CSMD1: variants seen among roughly 807,000 people sequenced by gnomAD.
CSMD1 encodes the protein CUB and sushi domain-containing protein 1.
In CSMD1, 213 loss-of-function variants were observed where a neutral mutation model predicts 417.5. The observed-to-expected ratio is 0.51, with a 90% CI of 0.46 to 0.57. The LOEUF is 0.57. Ranked by LOEUF, CSMD1 falls within the 20% of genes least tolerant of loss-of-function variation. The pLI is 0.00. For missense variants in CSMD1, 6,923 were observed against 4,529.7 expected (o/e 1.53, Z -15.17); for synonymous variants, 2,862 against 1,736.8 (o/e 1.65, Z -16.11).
At chr8:4,123,001 G>A (rs1193288143) in intron 3 of CSMD1, among the ~76,000 whole-genome samples, 1 of 152,200 alleles carries the variant, frequency 6.6e-6, no homozygotes, top group East Asian at 1.9e-4. Flanking sequence ...GTGCCACTGA[G>A]CTTCCAGCTT....
chr8:4,135,313 G>C lies in CSMD1; in HGVS notation c.416-103214C>G, dbSNP rs116508154. Among the ~76,000 whole-genome samples the C allele has an allele frequency of 2.3e-3, 308 of 133,446 alleles. 1 individual carries two copies. Among genetic ancestry groups the C allele is most frequent in the African/African-American group, 8.0e-3 (290 of 36,402 alleles). 87.5% of individuals were successfully genotyped at this position (133,446 alleles called of 152,430 possible). A position where few individuals can be genotyped will look rare whatever the true frequency, so the allele number is the denominator to read the frequency against. ...AGGAAGACAGAAGAAAGGAAGAAAG[G>C]AGGGAGGAGCGAAGGAAGGGGAAAG... is the stretch of plus-strand genomic sequence containing the variant. On this transcript the variant is annotated intron_variant, in intron 3 of 69. Coordinates refer to ENST00000635120, the MANE Select transcript of CSMD1 (RefSeq NM_033225.6).
intron 8 of CSMD1, among the ~76,000 whole-genome samples, chr8:3,588,648 A>G (rs1195334067): frequency 1.3e-5 from 2 of 152,126 alleles, no homozygotes; most frequent in Non-Finnish European, 2.9e-5. Flanking sequence ...TATCAGTAGC[A>G]AATTGTATTC....
At chr8:3,721,222 G>C (rs12541540) in intron 6 of CSMD1, among the ~76,000 whole-genome samples, 17,117 of 152,072 alleles carry the variant, frequency 0.11, 1,198 homozygotes, top group East Asian at 0.17. Context: ...AATTTTATTT[G>C]TGAAACTCCT....
At chr8:4,234,094 C>T (rs540421233) in intron 3 of CSMD1, among the ~76,000 whole-genome samples, 3 of 152,154 alleles carry the variant, frequency 2.0e-5, no homozygotes, top group Non-Finnish European at 4.4e-5. Flanking sequence ...CTAACCTACA[C>T]AAGTACATCA....
At position 4,348,912 on chromosome 8, in the gene CSMD1, A is replaced by G. The variant is rs150972649; in HGVS notation, c.415+71041T>C. On this transcript the variant is annotated intron_variant, in intron 3 of 69. Coordinates refer to ENST00000635120, the MANE Select transcript of CSMD1 (RefSeq NM_033225.6). ...TGAGTCATAAGCCTTTCTCCCTGTGATATCACAGCTATTGTTCCTTAACCA... is the reference window on the plus strand; with the variant it reads ...TGAGTCATAAGCCTTTCTCCCTGTGGTATCACAGCTATTGTTCCTTAACCA... Among the ~76,000 whole-genome samples the G allele has an allele frequency of 2.1e-3, 320 of 152,272 alleles. 2 individuals carry two copies. Among genetic ancestry groups the G allele is most frequent in the Non-Finnish European group, 3.9e-3 (264 of 68,036 alleles).
In CSMD1 at chr8:4,071,624, C is replaced by T. The variant is rs981545145; in HGVS notation, c.416-39525G>A. ...TTTGGGGGCCTTTTAGTTTTTAATT[C>T]TTTATTTTAAACTAGCTGAAATATG... is the stretch of plus-strand genomic sequence containing the variant. On this transcript the variant is annotated intron_variant, in intron 3 of 69. Coordinates refer to ENST00000635120, the MANE Select transcript of CSMD1 (RefSeq NM_033225.6). Among the ~76,000 whole-genome samples the T allele has an allele frequency of 2.6e-5, 4 of 151,950 alleles. No homozygotes were observed. The East Asian group carries it at 7.8e-4, about 30-fold the overall frequency.
intron 10 of CSMD1, among the ~76,000 whole-genome samples, chr8:3,553,260 G>A (rs1423210370): frequency 6.6e-5 from 10 of 152,248 alleles, no homozygotes; most frequent in South Asian, 6.2e-4. Context: ...GCCATAGTTC[G>A]GAGCTGCAGG....
intron 3 of CSMD1, among the ~76,000 whole-genome samples, chr8:4,074,663 T>A (rs1388315879): frequency 2.0e-5 from 3 of 152,230 alleles, no homozygotes; most frequent in African/African-American, 4.8e-5. Context: ...CCTTTTATAA[T>A]TGACAATGGT....
chr8:4,848,138 G>T (rs1020846632), intron 1 of CSMD1, among the ~76,000 whole-genome samples: 2 of 152,158 alleles, frequency 1.3e-5, no homozygotes, highest in African/African-American at 4.8e-5. Context: ...CCATGCTGCA[G>T]CATGTATTAG....
chr8:3,799,416 G>C (rs1328195310), intron 5 of CSMD1, among the ~76,000 whole-genome samples: 2 of 111,932 alleles, frequency 1.8e-5, no homozygotes, highest in African/African-American at 3.6e-5. Flanking sequence ...CCCACGACAG[G>C]CCTTAGTGTG....
intron 5 of CSMD1, among the ~76,000 whole-genome samples, chr8:3,922,890 T>G (rs1809374671): frequency 6.6e-6 from 1 of 152,200 alleles, no homozygotes; most frequent in Non-Finnish European, 1.5e-5. Flanking sequence ...ATATTAAATT[T>G]CAACTCAACT....
chr8:4,462,244 T>G (rs1278488509), intron 2 of CSMD1, among the ~76,000 whole-genome samples: 1 of 152,096 alleles, frequency 6.6e-6, no homozygotes, highest in Non-Finnish European at 1.5e-5. Context: ...AAACAATCCC[T>G]TTACCATAGC....
At chr8:4,785,810 G>A (rs143679075) in intron 1 of CSMD1, among the ~76,000 whole-genome samples, 107 of 152,190 alleles carry the variant, frequency 7.0e-4, no homozygotes, top group African/African-American at 2.3e-3. Context: ...GCCCAGACTC[G>A]TTAAATGGTG....
chr8:3,396,606 T>C (rs879184353), intron 16 of CSMD1, among the ~76,000 whole-genome samples: 2 of 152,154 alleles, frequency 1.3e-5, no homozygotes, highest in Admixed American at 1.3e-4. Flanking sequence ...TATTCTGTCT[T>C]ACAATATTAC....
intron 3 of CSMD1, among the ~76,000 whole-genome samples, chr8:4,109,302 A>T (rs532401438): frequency 2.6e-5 from 4 of 151,990 alleles, no homozygotes; most frequent in African/African-American, 9.6e-5. Context: ...GAGCAGCTGT[A>T]TTTTTTTTCT....
chr8:3,882,435 G>A (rs951242623), intron 5 of CSMD1, among the ~76,000 whole-genome samples: 2 of 152,182 alleles, frequency 1.3e-5, no homozygotes, highest in African/African-American at 2.4e-5. Context: ...GGAGCAACTG[G>A]AAATTTCCTA....
chr8:3,672,930 A>T (rs185616568), intron 7 of CSMD1, among the ~76,000 whole-genome samples: 451 of 152,218 alleles, frequency 3.0e-3, no homozygotes, highest in South Asian at 4.6e-3. Context: ...CAAGCTCTTC[A>T]CCCCAAGGAG....
intron 41 of CSMD1, among the ~76,000 whole-genome samples, chr8:3,139,839 A>T (rs75570068): frequency 6.6e-6 from 1 of 151,934 alleles, no homozygotes. Flanking sequence ...AAATAGTAGG[A>T]AGAGAGGTAC....
chr8:4,101,963 C>A (rs749326576), intron 3 of CSMD1, among the ~76,000 whole-genome samples: 1 of 152,140 alleles, frequency 6.6e-6, no homozygotes, highest in African/African-American at 2.4e-5. Context: ...GAAAGGAGGA[C>A]TCTTGAATCC....
Sources: allele counts gnomAD v4.1 joint callset (sites outside exome capture counted in the v4.1 genomes callset), GRCh38; gene constraint gnomAD v4.1.1; transcripts MANE v1.5; gene names NCBI Gene and HGNC (gene_info 2026-07-23, HGNC 2026-07-21).